PDIA5: variants seen among roughly 807,000 people sequenced by gnomAD.
The protein encoded by PDIA5 is protein disulfide isomerase family A member 5.
A neutral mutation model predicts 77.6 loss-of-function variants in PDIA5; 58 were observed. The ratio of observed to expected loss-of-function variants is 0.75; its 90% CI spans 0.61 to 0.93. The LOEUF (loss-of-function observed/expected upper bound fraction) is 0.93. Ranked by LOEUF, PDIA5 falls within the 40% of genes least tolerant of loss-of-function variation. The pLI is 0.00. For synonymous variants in PDIA5, 250 were observed against 252.1 expected, an observed-to-expected ratio of 0.99 and a Z score of 0.08; for missense variants, 630 against 647.7, an observed-to-expected ratio of 0.97 and a Z score of 0.30.
chr3:123,139,661 C>T (rs1479913251), intron 11 of PDIA5, among the ~76,000 whole-genome samples: 1 of 152,102 alleles, frequency 6.6e-6, no homozygotes, highest in East Asian at 1.9e-4. Flanking sequence ...TAGTAACTGG[C>T]TTGGTTGCCA....
intron 2 of PDIA5, among the ~76,000 whole-genome samples, chr3:123,090,594 T>C (rs925347863): frequency 2.7e-4 from 41 of 152,186 alleles, no homozygotes; most frequent in Non-Finnish European, 2.8e-4. Context: ...TGGTCCCCTA[T>C]GCCCCGCTGT....
intron 8 of PDIA5, among the ~76,000 whole-genome samples, chr3:123,118,150 T>C (rs1056555616): frequency 1.3e-5 from 2 of 152,202 alleles, no homozygotes; most frequent in Admixed American, 1.3e-4. Flanking sequence ...GCCAATGCTT[T>C]CTCTTTTGAC....
At chr3:123,073,189 G>A (rs534324676) in intron 1 of PDIA5, among the ~76,000 whole-genome samples, 1 of 152,350 alleles carries the variant, frequency 6.6e-6, no homozygotes, top group Admixed American at 6.5e-5. Flanking sequence ...TGAGCCCCAT[G>A]TAACTTGGTG....
intron 3 of PDIA5, among the ~76,000 whole-genome samples, chr3:123,099,653 C>G (rs1256064116): frequency 1.3e-5 from 2 of 152,216 alleles, no homozygotes; most frequent in Non-Finnish European, 2.9e-5. Flanking sequence ...GGCAGGGGTG[C>G]CTCTGTGCCC....
At chr3:123,091,948 C>A (rs183001701) in intron 2 of PDIA5, among the ~76,000 whole-genome samples, 5 of 152,344 alleles carry the variant, frequency 3.3e-5, no homozygotes, top group African/African-American at 4.8e-5. Flanking sequence ...TCAGCAACAT[C>A]ATTCCCTGCT....
At chr3:123,123,493 A>G (rs573120519) in intron 8 of PDIA5, among the ~76,000 whole-genome samples, 3 of 152,170 alleles carry the variant, frequency 2.0e-5, no homozygotes, top group African/African-American at 7.2e-5. Context: ...CTCGTTTCTC[A>G]TGTTGTGTTA....
At chr3:123,082,661 T>G (rs538777037) in intron 1 of PDIA5, among the ~76,000 whole-genome samples, 1 of 152,226 alleles carries the variant, frequency 6.6e-6, no homozygotes, top group Non-Finnish European at 1.5e-5. Flanking sequence ...GTGTTACTGC[T>G]GTCCTTGCTC....
chr3:123,067,847 G>C (rs1024834275), intron 1 of PDIA5, among the ~76,000 whole-genome samples: 1 of 152,324 alleles, frequency 6.6e-6, no homozygotes, highest in Non-Finnish European at 1.5e-5. Context: ...ATCTGAGCTA[G>C]TTTCCTCATG....
At chr3:123,078,468 A>G (rs1242633328) in intron 1 of PDIA5, among the ~76,000 whole-genome samples, 1 of 152,104 alleles carries the variant, frequency 6.6e-6, no homozygotes, top group Non-Finnish European at 1.5e-5. Context: ...TTTATAGAGG[A>G]GTTGCAAAAA....
intron 16 of PDIA5, 59 bp from the exon 17 acceptor site, chr3:123,161,821 G>A: frequency 2.7e-6 from 3 of 1,113,168 alleles, no homozygotes. Context: ...GAGAGAGAGT[G>A]CACAGCCAGC....
At chr3:123,128,253 G>C (rs1436035533) in intron 10 of PDIA5, among the ~76,000 whole-genome samples, 1 of 152,124 alleles carries the variant, frequency 6.6e-6, no homozygotes, top group Non-Finnish European at 1.5e-5. Flanking sequence ...TGTGGTTCTT[G>C]GGCCCCTACT....
chr3:123,117,060 G>A (rs1197076442), intron 8 of PDIA5, among the ~76,000 whole-genome samples: 2 of 151,856 alleles, frequency 1.3e-5, no homozygotes, highest in African/African-American at 4.8e-5. Flanking sequence ...TCACACAGAA[G>A]GGCCGAGGGT....
At chr3:123,110,455 C>T (rs1384907176) in intron 6 of PDIA5, among the ~76,000 whole-genome samples, 1 of 152,160 alleles carries the variant, frequency 6.6e-6, no homozygotes, top group African/African-American at 2.4e-5. Flanking sequence ...CCCGTCTTCC[C>T]ACAGTGAGCG....
chr3:123,091,733 G>A (rs942436314), intron 2 of PDIA5, among the ~76,000 whole-genome samples: 2 of 152,214 alleles, frequency 1.3e-5, no homozygotes, highest in Admixed American at 6.5e-5. Context: ...CTCTTGCCCC[G>A]TGGCTTCTGG....
At chr3:123,085,186 T>C (rs1425739465) in intron 1 of PDIA5, among the ~76,000 whole-genome samples, 1 of 152,222 alleles carries the variant, frequency 6.6e-6, no homozygotes. Context: ...ACAGTGTAAT[T>C]TGTCATGTTT....
At chr3:123,098,829 A>G (rs1934510739) in intron 3 of PDIA5, among the ~76,000 whole-genome samples, 1 of 152,216 alleles carries the variant, frequency 6.6e-6, no homozygotes, top group South Asian at 2.1e-4. Context: ...CATTCCCTCA[A>G]TTCGAGCAAA....
At chr3:123,077,540 T>TCA (rs1277355352) in intron 1 of PDIA5, among the ~76,000 whole-genome samples, 3 of 138,528 alleles carry the variant, frequency 2.2e-5, no homozygotes, top group African/African-American at 8.3e-5. Flanking sequence ...TTCTCCCACC[T>TCA]CACACACATA....
intron 10 of PDIA5, among the ~76,000 whole-genome samples, chr3:123,127,959 G>T (rs1051790144): frequency 6.6e-6 from 1 of 152,170 alleles, no homozygotes; most frequent in African/African-American, 2.4e-5. Context: ...AGGAGCTCAC[G>T]GCCTGGGGTA....
At chr3:123,128,518 A>G (rs954507008) in intron 10 of PDIA5, among the ~76,000 whole-genome samples, 47 of 151,330 alleles carry the variant, frequency 3.1e-4, no homozygotes, top group Non-Finnish European at 5.6e-4. Context: ...TTATTTTTTT[A>G]TTTTTTTAGA....
Sources: allele counts gnomAD v4.1 joint callset (sites outside exome capture counted in the v4.1 genomes callset), GRCh38; gene constraint gnomAD v4.1.1; transcripts MANE v1.5; gene names NCBI Gene and HGNC (gene_info 2026-07-23, HGNC 2026-07-21).